Variants in NHERF4 observed in about 807,000 individuals in gnomAD.
NHERF4 encodes the protein Na(+)/H(+) exchange regulatory cofactor NHE-RF4.
chr11:119,186,499 C>A, the NHERF4 span: 5 of 1,614,164 alleles, frequency 3.1e-6, no homozygotes, highest in Non-Finnish European at 4.2e-6. This position sits in a 1 kb window ranked among gnomAD's most constrained non-coding sequence, Gnocchi z 4.4. Flanking sequence ...CCTGGAGCGG[C>A]CTCGCTTCTG....
chr11:119,185,939 GC>G, the NHERF4 span: 1 of 1,614,172 alleles, frequency 6.2e-7, no homozygotes, highest in Non-Finnish European at 8.5e-7. Flanking sequence ...GCAGGACACA[GC>G]CTCGTTAACT....
the NHERF4 span, chr11:119,188,606 G>T: frequency 1.2e-6 from 2 of 1,612,142 alleles, no homozygotes; most frequent in Non-Finnish European, 1.7e-6. Flanking sequence ...CAGGGCTGAG[G>T]TCCGAAAGAT....
the NHERF4 span, chr11:119,186,090 A>C: frequency 1.9e-6 from 3 of 1,610,990 alleles, no homozygotes; most frequent in Non-Finnish European, 2.5e-6. This position sits in a 1 kb window ranked among gnomAD's most constrained non-coding sequence, Gnocchi z 4.4. Context: ...GCCTCCTTGC[A>C]GGAAGTTTAA....
the NHERF4 span, chr11:119,186,493 G>C: frequency 3.7e-6 from 6 of 1,614,114 alleles, no homozygotes; most frequent in Admixed American, 1.7e-5. This position sits in a 1 kb window ranked among gnomAD's most constrained non-coding sequence, Gnocchi z 4.4. Flanking sequence ...CTGGAGCCTG[G>C]AGCGGCCTCG....
the NHERF4 span, chr11:119,186,208 G>A: frequency 1.2e-6 from 2 of 1,613,990 alleles, no homozygotes; most frequent in Admixed American, 1.7e-5. This position sits in a 1 kb window ranked among gnomAD's most constrained non-coding sequence, Gnocchi z 4.4. Flanking sequence ...ATCCCTGGAG[G>A]CACCACGGCT....
chr11:119,187,875 G>A, the NHERF4 span: 6 of 1,478,066 alleles, frequency 4.1e-6, no homozygotes, highest in Non-Finnish European at 5.4e-6. Context: ...GAGGGGCTGT[G>A]GGGGGAGCAT....
At chr11:119,188,912 G>T in the NHERF4 span, 1 of 1,611,180 alleles carries the variant, frequency 6.2e-7, no homozygotes, top group Admixed American at 1.7e-5. Context: ...ATCCTTTGCT[G>T]CCTGATCGGT....
chr11:119,189,803 T>C, the NHERF4 span: 1 of 474,672 alleles, frequency 2.1e-6, no homozygotes, highest in Admixed American at 3.3e-5. The surrounding 1 kb of genome is among the most constrained non-coding windows in gnomAD (Gnocchi z 5.8). Flanking sequence ...CATCTGGACC[T>C]TTTCTAGATA....
At chr11:119,188,519 G>A in the NHERF4 span, 42 of 1,602,574 alleles carry the variant, frequency 2.6e-5, no homozygotes, top group Middle Eastern at 1.7e-4. Flanking sequence ...CCTCACTGTC[G>A]TCGACCCTGA....
At chr11:119,188,555 C>T in the NHERF4 span, 54 of 1,598,782 alleles carry the variant, frequency 3.4e-5, no homozygotes, top group South Asian at 1.0e-4. Flanking sequence ...CAGCATGGTG[C>T]GTGCTGAGGG....
the NHERF4 span, chr11:119,186,560 A>T: frequency 5.0e-6 from 8 of 1,614,026 alleles, no homozygotes; most frequent in Non-Finnish European, 5.9e-6. This position sits in a 1 kb window ranked among gnomAD's most constrained non-coding sequence, Gnocchi z 4.4. Flanking sequence ...CTGCAGCAGG[A>T]GCTGGGCAGG....
the NHERF4 span, chr11:119,186,726 CAGAA>C: frequency 2.6e-6 from 4 of 1,552,920 alleles, no homozygotes; most frequent in Non-Finnish European, 3.5e-6. The surrounding 1 kb of genome is among the most constrained non-coding windows in gnomAD (Gnocchi z 4.4). Flanking sequence ...GCTAGCACCT[CAGAA>C]AGAGAAGCGG....
chr11:119,185,641 G>C, the NHERF4 span: 1 of 889,552 alleles, frequency 1.1e-6, no homozygotes. Context: ...AAACAAGTCA[G>C]GAGAAAAGTA....
At chr11:119,185,855 C>A in the NHERF4 span, 1 of 1,603,960 alleles carries the variant, frequency 6.2e-7, no homozygotes, top group Admixed American at 1.7e-5. Context: ...TTAGTTTATG[C>A]CAATGGAAGA....
chr11:119,188,410 G>A, the NHERF4 span: 31 of 1,614,036 alleles, frequency 1.9e-5, no homozygotes, highest in Middle Eastern at 5.0e-4. Context: ...CTGGGATGCA[G>A]GCTGGGGACC....
the NHERF4 span, chr11:119,186,242 G>GTA: frequency 5.0e-6 from 8 of 1,613,844 alleles, no homozygotes; most frequent in Non-Finnish European, 6.8e-6. This position sits in a 1 kb window ranked among gnomAD's most constrained non-coding sequence, Gnocchi z 4.4. Flanking sequence ...GATCTCCTTG[G>GTA]TAACCACTCA....
At chr11:119,187,734 A>T in the NHERF4 span, 593 of 1,476,584 alleles carry the variant, frequency 4.0e-4, no homozygotes, top group Non-Finnish European at 5.0e-4. Flanking sequence ...TCCTCCCCCA[A>T]TCCGGGCCTG....
At chr11:119,186,267 G>A in the NHERF4 span, 13 of 1,612,438 alleles carry the variant, frequency 8.1e-6, no homozygotes, top group African/African-American at 1.3e-4. The surrounding 1 kb of genome is among the most constrained non-coding windows in gnomAD (Gnocchi z 4.4). Context: ...GTCTCCCTCT[G>A]ATAACAGCCT....
At chr11:119,189,477 C>T in the NHERF4 span, 1 of 1,614,092 alleles carries the variant, frequency 6.2e-7, no homozygotes, top group African/African-American at 1.3e-5. The surrounding 1 kb of genome is among the most constrained non-coding windows in gnomAD (Gnocchi z 5.8). Flanking sequence ...GGGCTCTGGC[C>T]TCGGATCTAC....
Sources: gnomAD v4.1 joint callset for allele counts on GRCh38, gnomAD v4.1.1 for gene constraint, Gnocchi (gnomAD v3.1) non-coding constraint, MANE v1.5 for transcripts, NCBI Gene and HGNC (gene_info 2026-07-23, HGNC 2026-07-21) for gene names.